Variants in MACROH2A1 observed in about 807,000 individuals in gnomAD.
The protein encoded by MACROH2A1 is macroH2A.1 histone, also known as core histone macro-H2A.1.
MACROH2A1 carries 2 observed loss-of-function variants against 31.6 expected under a neutral mutation model. The observed-to-expected ratio is 0.06, with a 90% CI of 0.03 to 0.20. MACROH2A1 has a LOEUF of 0.20. Among genes scored for constraint, MACROH2A1 ranks in the 10% least tolerant of loss-of-function variants. The pLI is 1.00. For missense variants in MACROH2A1, 230 were observed against 474.0 expected, an observed-to-expected ratio of 0.49 and a Z score of 4.78; for synonymous variants, 169 against 189.6, an observed-to-expected ratio of 0.89 and a Z score of 0.89.
chr5:135,343,458 A>T, intron 7 of MACROH2A1, 24 bp from the exon 8 acceptor site: 6 of 1,611,128 alleles, frequency 3.7e-6, no homozygotes, highest in Non-Finnish European at 5.1e-6. Flanking sequence ...GATGAAACAG[A>T]AACAGTGAGC....
chr5:135,360,826 A>G, intron 4 of MACROH2A1: 1 of 679,638 alleles, frequency 1.5e-6, no homozygotes, highest in South Asian at 1.5e-5. Flanking sequence ...ATGATCGTAA[A>G]AAAAAACCAG....
intron 8 of MACROH2A1, among the ~76,000 whole-genome samples, chr5:135,337,441 C>G (rs1758942040): frequency 6.6e-6 from 1 of 152,280 alleles, no homozygotes; most frequent in Non-Finnish European, 1.5e-5. Context: ...CCAGTCACTC[C>G]TGCCTGTGAC....
intron 1 of MACROH2A1, among the ~76,000 whole-genome samples, chr5:135,397,455 C>T (rs1004078820): frequency 6.6e-6 from 1 of 152,212 alleles, no homozygotes; most frequent in African/African-American, 2.4e-5. Context: ...AGGCCTGCCT[C>T]AAACAATTTT....
rs76983732 is a variant in MACROH2A1 at position 135,343,205 on chromosome 5, T to C, written c.953+55A>G. On this transcript the variant is annotated intron_variant, in intron 8 of 8. Coordinates refer to ENST00000511689, the MANE Select transcript of MACROH2A1 (RefSeq NM_138610.3). ...GTGAGAGCACCACAATTATGGGCCA[T>C]GTGTGCGCAGAGAGACACACCCATG... 457 of 1,608,596 alleles carry C rather than the reference T, an allele frequency of 2.8e-4. 13 individuals are homozygous for C. In the East Asian group the frequency reaches 0.01, roughly 35 times the overall value.
At chr5:135,341,696 A>G (rs1581133961) in intron 8 of MACROH2A1, among the ~76,000 whole-genome samples, 1 of 152,358 alleles carries the variant, frequency 6.6e-6, no homozygotes, top group East Asian at 1.9e-4. Context: ...CAGTGATGGC[A>G]GCATGCAGGA....
At chr5:135,349,977 C>A (rs1761317926) in intron 6 of MACROH2A1, among the ~76,000 whole-genome samples, 1 of 152,084 alleles carries the variant, frequency 6.6e-6, no homozygotes, top group African/African-American at 2.4e-5. Context: ...CCAGTTCCTT[C>A]CACCTAGCTC....
At chr5:135,364,203 A>G (rs1368282225) in intron 4 of MACROH2A1, among the ~76,000 whole-genome samples, 1 of 152,186 alleles carries the variant, frequency 6.6e-6, no homozygotes, top group Non-Finnish European at 1.5e-5. Flanking sequence ...GAACACTTAG[A>G]CACAGGGCGG....
At chr5:135,352,918 G>A (rs758905439) in intron 6 of MACROH2A1, 28 bp downstream of exon 6, 2 of 1,123,264 alleles carry the variant, frequency 1.8e-6, no homozygotes, top group Admixed American at 1.7e-5. Context: ...TCTGACAGCT[G>A]GTGGTGCCGA....
intron 2 of MACROH2A1, among the ~76,000 whole-genome samples, chr5:135,384,750 C>T: frequency 6.6e-6 from 1 of 152,232 alleles, no homozygotes; most frequent in Admixed American, 6.5e-5. Flanking sequence ...GGAATAAGGA[C>T]TTCACATGCA....
intron 5 of MACROH2A1, chr5:135,359,477 G>C: frequency 1.0e-6 from 1 of 983,288 alleles, no homozygotes; most frequent in Non-Finnish European, 1.2e-6. Context: ...AAAATACAAA[G>C]AATGGTTAAA....
intron 1 of MACROH2A1, among the ~76,000 whole-genome samples, chr5:135,395,912 T>C (rs991082902): frequency 2.6e-5 from 4 of 152,338 alleles, no homozygotes; most frequent in Admixed American, 6.5e-5. Flanking sequence ...AAATAAATCA[T>C]AAACCATGCA....
chr5:135,366,700 T>C (rs1386738099), intron 4 of MACROH2A1, among the ~76,000 whole-genome samples: 1 of 151,902 alleles, frequency 6.6e-6, no homozygotes, highest in South Asian at 2.1e-4. Context: ...TGGGGAGAAG[T>C]AGGGTGAGGG....
Position 135,369,531 on chromosome 5 carries a change from G to A in MACROH2A1, c.352C>T (p.Arg118Trp), listed in dbSNP as rs1763930012. ...NIHPELLAKK[R>W]GSKGKLEAII... ...GCTTCCAACTTTCCTTTGGATCCCCGCTTCTTCGCTAGCAACTCGGGGTGG... is the reference window on the plus strand; with the variant it reads ...GCTTCCAACTTTCCTTTGGATCCCCACTTCTTCGCTAGCAACTCGGGGTGG... Residue 118 changes from arginine to tryptophan, a missense_variant, in exon 4 of 9, where the codon CGG becomes TGG. Arg to Trp is a moderately radical substitution (Grantham distance 101). Transcript: ENST00000511689. The surrounding 1 kb of genome is among the most constrained non-coding windows in gnomAD (Gnocchi z 4.3). 1.2e-6 allele frequency: 2 copies of A among 1,613,974 alleles called. No homozygotes were observed. Among genetic ancestry groups the A allele is most frequent in the East Asian group, 2.2e-5 (1 of 44,888 alleles).
At chr5:135,358,435 G>A (rs917355436) in intron 5 of MACROH2A1, 41 of 985,246 alleles carry the variant, frequency 4.2e-5, no homozygotes, top group Non-Finnish European at 4.8e-5. Context: ...GGATCATAAA[G>A]TCACAAGCAC....
chr5:135,360,858 C>A (rs1287420322), intron 4 of MACROH2A1: 4 of 649,492 alleles, frequency 6.2e-6, no homozygotes, highest in Non-Finnish European at 1.1e-5. Context: ...TAAAACTTCA[C>A]TTTACAGTGA....
rs1766017839 is a variant in MACROH2A1 at position 135,383,788 on chromosome 5, A to G, written c.172+5134T>C. On this transcript the variant is annotated intron_variant, in intron 2 of 8. Coordinates refer to ENST00000511689, the MANE Select transcript of MACROH2A1 (RefSeq NM_138610.3). ...CAGGGTGAGGGAAGGGCTTTGCAGAACACAGCAAATGCTGTGGCATAAGCC... is the reference window on the plus strand; with the variant it reads ...CAGGGTGAGGGAAGGGCTTTGCAGAGCACAGCAAATGCTGTGGCATAAGCC... 2.0e-5 allele frequency among the ~76,000 whole-genome samples: 3 copies of G among 151,384 alleles called. No individual in the cohort carries two copies. The South Asian group carries it at 6.3e-4, about 32-fold the overall frequency.
chr5:135,353,181 C>G, intron 5 of MACROH2A1, 136 bp from the exon 6 acceptor site: 1 of 641,270 alleles, frequency 1.6e-6, no homozygotes, highest in Non-Finnish European at 2.8e-6. Context: ...GTTGCTGGCT[C>G]AAATGAACCC....
At position 135,334,582 on chromosome 5, in the gene MACROH2A1, C is replaced by T; in HGVS notation, c.*394G>A. Reference sequence around the variant, plus strand: ...CAAAAGAACATTAGAGTAAAAAGAACGCCACTGGAGGATGTACAATAAAGC... The same window carrying T: ...CAAAAGAACATTAGAGTAAAAAGAATGCCACTGGAGGATGTACAATAAAGC... On this transcript the variant is annotated 3_prime_UTR_variant, in exon 9 of 9. Coordinates refer to ENST00000511689, the MANE Select transcript of MACROH2A1 (RefSeq NM_138610.3). 1 of 181,092 alleles carries T rather than the reference C, an allele frequency of 5.5e-6. No homozygotes were observed. Among genetic ancestry groups the T allele is most frequent in the Non-Finnish European group, 1.2e-5 (1 of 86,398 alleles). The allele number at this position is 181,092 out of a possible 1,614,324, so 11.2% of individuals were successfully genotyped here.
intron 1 of MACROH2A1, among the ~76,000 whole-genome samples, chr5:135,397,274 C>T (rs749542571): frequency 1.8e-4 from 28 of 152,148 alleles, no homozygotes; most frequent in Non-Finnish European, 3.7e-4. Flanking sequence ...TCAAGTTCGC[C>T]TCTCTCAGGG....
Sources: allele counts gnomAD v4.1 joint callset (sites outside exome capture counted in the v4.1 genomes callset), GRCh38; gene constraint gnomAD v4.1.1; non-coding constraint Gnocchi (gnomAD v3.1); transcripts MANE v1.5; gene names NCBI Gene and HGNC (gene_info 2026-07-23, HGNC 2026-07-21).